Variants in NCALD observed in about 807,000 individuals in gnomAD.
NCALD encodes the protein neurocalcin-delta.
A neutral mutation model predicts 18.6 loss-of-function variants in NCALD; 10 were observed. The ratio of observed to expected loss-of-function variants is 0.54; its 90% CI spans 0.33 to 0.91. The LOEUF (loss-of-function observed/expected upper bound fraction) is 0.91. Ranked by LOEUF, NCALD falls within the 40% of genes least tolerant of loss-of-function variation. The pLI, the probability that NCALD is intolerant of heterozygous loss-of-function variation, is 0.03. For synonymous variants in NCALD, 88 were observed against 87.4 expected, an observed-to-expected ratio of 1.01 and a Z score of -0.04; for missense variants, 184 against 247.6, an observed-to-expected ratio of 0.74 and a Z score of 1.72.
At chr8:101,763,734 A>G (rs1222548069) in intron 1 of NCALD, among the ~76,000 whole-genome samples, 1 of 152,024 alleles carries the variant, frequency 6.6e-6, no homozygotes, top group East Asian at 1.9e-4. Context: ...GTAACAGAGA[A>G]TTTCTCCTGC....
intron 1 of NCALD, among the ~76,000 whole-genome samples, chr8:101,761,956 C>T (rs1357973442): frequency 1.3e-5 from 2 of 152,162 alleles, no homozygotes; most frequent in Admixed American, 1.3e-4. Flanking sequence ...AGGAGAACAA[C>T]ATAGTAGGGA....
chr8:101,864,842 C>T (rs489047), intron 4 of NCALD, among the ~76,000 whole-genome samples: 41,722 of 151,848 alleles, frequency 0.27, 6,072 homozygotes, highest in East Asian at 0.38. Flanking sequence ...GTGATCCGCC[C>T]ATCTCAGCCT....
intron 1 of NCALD, among the ~76,000 whole-genome samples, chr8:101,765,243 G>A (rs1378437802): frequency 6.6e-6 from 1 of 152,188 alleles, no homozygotes; most frequent in Non-Finnish European, 1.5e-5. Flanking sequence ...ATTAAGCAGG[G>A]GAGTGAAAAG....
At chr8:102,092,716 C>T (rs1329888143) in intron 1 of NCALD, among the ~76,000 whole-genome samples, 1 of 152,184 alleles carries the variant, frequency 6.6e-6, no homozygotes, top group Non-Finnish European at 1.5e-5. Flanking sequence ...TACTAGAATG[C>T]TATTTACCCA....
intron 2 of NCALD, among the ~76,000 whole-genome samples, chr8:101,971,318 A>G (rs560893900): frequency 1.3e-5 from 2 of 152,186 alleles, no homozygotes; most frequent in South Asian, 4.2e-4. Context: ...TACATGGTTG[A>G]TATAGATTGG....
chr8:102,058,436 T>C (rs1823728643), intron 1 of NCALD, among the ~76,000 whole-genome samples: 1 of 152,238 alleles, frequency 6.6e-6, no homozygotes, highest in Admixed American at 6.5e-5. Flanking sequence ...TACCTATACC[T>C]GTCCCTGTGG....
intron 2 of NCALD, among the ~76,000 whole-genome samples, chr8:101,958,907 A>C (rs1794732066): frequency 6.6e-6 from 1 of 152,222 alleles, no homozygotes; most frequent in South Asian, 2.1e-4. Context: ...CAGAAACAGC[A>C]CATTTGAGCC....
intron 1 of NCALD, among the ~76,000 whole-genome samples, chr8:101,745,331 A>G (rs1004952827): frequency 2.0e-5 from 3 of 152,190 alleles, no homozygotes; most frequent in Non-Finnish European, 4.4e-5. Context: ...AGTTTTCATT[A>G]TGTGGAAACG....
intron 1 of NCALD, among the ~76,000 whole-genome samples, chr8:102,113,712 A>C (rs1381081623): frequency 6.6e-6 from 1 of 152,192 alleles, no homozygotes; most frequent in Non-Finnish European, 1.5e-5. Context: ...TCACTCTCAA[A>C]AATGTCCCAA....
chr8:102,108,427 C>A (rs7013304), intron 1 of NCALD, among the ~76,000 whole-genome samples: 52,666 of 152,022 alleles, frequency 0.35, 10,141 homozygotes, highest in African/African-American at 0.5. Flanking sequence ...TTGAGCTTAT[C>A]AAATATGCAT....
chr8:102,076,742 T>C lies in NCALD; in HGVS notation c.-210+47495A>G, dbSNP rs368404426. Among the ~76,000 whole-genome samples the C allele has an allele frequency of 3.9e-5, 6 of 152,310 alleles. No homozygotes were observed. The East Asian group carries it at 9.6e-4, about 24-fold the overall frequency. On this transcript the variant is annotated intron_variant, in intron 1 of 6. Coordinates refer to the NCALD transcript ENST00000311028. Reference sequence around the variant, plus strand: ...ATGCTGGTGAACAGGTAACTATAATTACCTAAATAATTACAGGTAGCTATA... The same window carrying C: ...ATGCTGGTGAACAGGTAACTATAATCACCTAAATAATTACAGGTAGCTATA...
At chr8:101,872,412 T>C in intron 4 of NCALD, 2 of 1,317,966 alleles carry the variant, frequency 1.5e-6, no homozygotes, top group Non-Finnish European at 2.2e-6. Flanking sequence ...CTTCGTATGT[T>C]GTCACCACTG....
chr8:101,723,541 TTAAA>T (rs1026428414), intron 1 of NCALD, among the ~76,000 whole-genome samples: 4 of 152,228 alleles, frequency 2.6e-5, no homozygotes, highest in East Asian at 1.9e-4. Flanking sequence ...TTGTTTTTAT[TTAAA>T]TAGTCAAAAA....
At chr8:102,019,826 T>C (rs1183753256) in intron 2 of NCALD, among the ~76,000 whole-genome samples, 1 of 152,172 alleles carries the variant, frequency 6.6e-6, no homozygotes, top group Non-Finnish European at 1.5e-5. Flanking sequence ...AATCATTTGA[T>C]CATCTCAGTG....
intron 4 of NCALD, among the ~76,000 whole-genome samples, chr8:101,810,112 G>A (rs1813252205): frequency 6.6e-6 from 1 of 152,130 alleles, no homozygotes; most frequent in Admixed American, 6.5e-5. Flanking sequence ...ACATTTTGTT[G>A]AGTTTCTGTG....
In NCALD at chr8:101,877,256, C is replaced by A. The variant is rs144013618; in HGVS notation, c.-20+9885G>T. Among the ~76,000 whole-genome samples the A allele has an allele frequency of 1.4e-3, 220 of 152,268 alleles. 1 individual carries two copies. The highest frequency in any genetic ancestry group is 2.9e-3 in the Non-Finnish European group (195 of 68,022). ...TGAGGATAATCAACATTGCAGCAGT[C>A]CCAGATTCCGTATTAATAACAACCC... On this transcript the variant is annotated intron_variant, in intron 4 of 6. Coordinates refer to the NCALD transcript ENST00000311028.
At chr8:101,969,102 G>A (rs149977027) in intron 2 of NCALD, among the ~76,000 whole-genome samples, 30 of 152,224 alleles carry the variant, frequency 2.0e-4, no homozygotes, top group African/African-American at 7.2e-4. Flanking sequence ...AAGCCCCCAG[G>A]GCTGAGCCGA....
chr8:101,967,805 C>T (rs1344143508), intron 2 of NCALD, among the ~76,000 whole-genome samples: 1 of 151,916 alleles, frequency 6.6e-6, no homozygotes, highest in Non-Finnish European at 1.5e-5. Flanking sequence ...ACGTTCCCAG[C>T]ATCAGAGCAG....
chr8:102,061,526 C>T (rs1220749536), intron 1 of NCALD, among the ~76,000 whole-genome samples: 1 of 152,066 alleles, frequency 6.6e-6, no homozygotes, highest in African/African-American at 2.4e-5. Flanking sequence ...TGGGCTTTGC[C>T]GCTTTAAGGC....
Sources: gnomAD v4.1 joint callset for allele counts (sites outside exome capture counted in the v4.1 genomes callset) on GRCh38, gnomAD v4.1.1 for gene constraint, MANE v1.5 for transcripts, NCBI Gene and HGNC (gene_info 2026-07-23, HGNC 2026-07-21) for gene names.